Variants in USP32 observed in about 807,000 individuals in gnomAD.
USP32 encodes the protein ubiquitin specific peptidase 32, also known as ubiquitin carboxyl-terminal hydrolase 32.
USP32 carries 59 observed loss-of-function variants against 204.8 expected under a neutral mutation model. That is an observed-to-expected ratio of 0.29 (90% CI 0.23 to 0.36). The LOEUF is 0.36. Among genes scored for constraint, USP32 ranks in the 10% least tolerant of loss-of-function variants. USP32 has a pLI of 1.00. For synonymous variants in USP32, 517 were observed against 678.4 expected, an observed-to-expected ratio of 0.76 and a Z score of 3.70; for missense variants, 1,160 against 1,946.4, an observed-to-expected ratio of 0.60 and a Z score of 7.60.
chr17:60,314,562 T>TG (rs201223651), intron 2 of USP32, among the ~76,000 whole-genome samples: 2 of 144,376 alleles, frequency 1.4e-5, no homozygotes, highest in African/African-American at 2.6e-5. Flanking sequence ...GAACTGGGGG[T>TG]GGGGGGAGGA....
intron 1 of USP32, among the ~76,000 whole-genome samples, chr17:60,402,559 G>A (rs1352515013): frequency 6.6e-6 from 1 of 152,020 alleles, no homozygotes; most frequent in Admixed American, 6.6e-5. Flanking sequence ...TTATTGATCA[G>A]TTATTCTTCT....
intron 2 of USP32, among the ~76,000 whole-genome samples, chr17:60,307,144 G>C (rs1174433024): frequency 6.6e-6 from 1 of 150,702 alleles, no homozygotes; most frequent in Admixed American, 6.6e-5. Context: ...GTGTCACCCA[G>C]GCTGGAGTGC....
intron 27 of USP32, among the ~76,000 whole-genome samples, chr17:60,195,716 G>A (rs73321000): frequency 0.028 from 4,300 of 152,236 alleles, 206 homozygotes; most frequent in African/African-American, 0.097. Flanking sequence ...CAGAGTTCAT[G>A]TATAGATGAT....
At chr17:60,191,999 T>C (rs2084394879) in intron 28 of USP32, among the ~76,000 whole-genome samples, 1 of 151,864 alleles carries the variant, frequency 6.6e-6, no homozygotes, top group African/African-American at 2.4e-5. Context: ...CTGGCAAACT[T>C]ATATTTAACG....
rs535253977 is a variant in USP32 at position 60,212,114 on chromosome 17, G to A, written c.2105-16C>T. 3.8e-6 allele frequency: 6 copies of A among 1,583,030 alleles called. No homozygotes were observed. In the African/African-American group the frequency reaches 6.8e-5, roughly 18 times the overall value. On this transcript the variant is annotated splice_polypyrimidine_tract_variant and intron_variant, in intron 18 of 33. Coordinates refer to ENST00000300896, the MANE Select transcript of USP32 (RefSeq NM_032582.4). ...TTGTTGCGAACTGGAAGGACAGATA[G>A]GAATGTGTTAATTTCTTATCTATCT...
chr17:60,318,329 T>C (rs180709491), intron 2 of USP32, among the ~76,000 whole-genome samples: 7 of 152,334 alleles, frequency 4.6e-5, no homozygotes, highest in Admixed American at 2.6e-4. Context: ...GCTAATACAA[T>C]TTTATGCTGA....
At chr17:60,357,315 T>A (rs1361962369) in intron 1 of USP32, among the ~76,000 whole-genome samples, 1 of 151,784 alleles carries the variant, frequency 6.6e-6, no homozygotes, top group Non-Finnish European at 1.5e-5. Flanking sequence ...TAGGCAGGCA[T>A]GGTGATACAC....
chr17:60,393,687 CTTT>C (rs1218263132), upstream of USP32, among the ~76,000 whole-genome samples: 2 of 141,778 alleles, frequency 1.4e-5, no homozygotes, highest in Non-Finnish European at 3.1e-5. Context: ...CTGTGTTTTT[CTTT>C]TTTTTTTTTT....
chr17:60,301,467 T>C, intron 3 of USP32, 132 bp downstream of exon 3: 2 of 541,636 alleles, frequency 3.7e-6, no homozygotes, highest in Non-Finnish European at 6.4e-6. Context: ...GCACATTTTT[T>C]AGGTGTTTAT....
intron 1 of USP32, among the ~76,000 whole-genome samples, chr17:60,351,467 C>T (rs918131714): frequency 1.3e-5 from 2 of 151,650 alleles, no homozygotes; most frequent in African/African-American, 4.9e-5. Flanking sequence ...TGGAGTCTCA[C>T]TCCGTCCCCC....
At chr17:60,253,916 G>A (rs1268611070) in intron 10 of USP32, among the ~76,000 whole-genome samples, 1 of 152,026 alleles carries the variant, frequency 6.6e-6, no homozygotes, top group African/African-American at 2.4e-5. Context: ...ATTATAACTT[G>A]TAATAAAGCA....
At chr17:60,324,207 A>C (rs1249742621) in intron 2 of USP32, among the ~76,000 whole-genome samples, 2 of 151,962 alleles carry the variant, frequency 1.3e-5, no homozygotes, top group Non-Finnish European at 2.9e-5. Flanking sequence ...GGTTGAACCC[A>C]GGAGTTCGAG....
chr17:60,197,515 AT>A (rs1232377992), intron 27 of USP32, among the ~76,000 whole-genome samples: 1 of 152,130 alleles, frequency 6.6e-6, no homozygotes, highest in Non-Finnish European at 1.5e-5. Flanking sequence ...GAGGCAGGAG[AT>A]TTTTTTGAAC....
chr17:60,346,883 A>G (rs2088799355), intron 1 of USP32, among the ~76,000 whole-genome samples: 1 of 152,246 alleles, frequency 6.6e-6, no homozygotes, highest in Admixed American at 6.5e-5. Flanking sequence ...GTATCTTACT[A>G]CAGCAAAGCA....
chr17:60,321,066 A>G (rs2088101281), intron 2 of USP32, among the ~76,000 whole-genome samples: 1 of 152,184 alleles, frequency 6.6e-6, no homozygotes, highest in African/African-American at 2.4e-5. Flanking sequence ...CTCTCTAACC[A>G]GAGGACTGAA....
chr17:60,216,688 C>A (rs900041955), intron 16 of USP32, among the ~76,000 whole-genome samples: 1 of 151,976 alleles, frequency 6.6e-6, no homozygotes, highest in African/African-American at 2.4e-5. Flanking sequence ...GGTTTGAATA[C>A]TTGTCACTTC....
At chr17:60,326,637 T>TAGC (rs1213977323) in intron 2 of USP32, among the ~76,000 whole-genome samples, 7 of 152,212 alleles carry the variant, frequency 4.6e-5, no homozygotes, top group African/African-American at 1.7e-4. Flanking sequence ...TTAATACTTA[T>TAGC]AGCAGCAGCA....
At chr17:60,252,498 C>T (rs1038497341) in intron 10 of USP32, 56 bp from the exon 11 acceptor site, 1 of 1,291,862 alleles carries the variant, frequency 7.7e-7, no homozygotes. Context: ...TTCACATTAT[C>T]TGCATGAGAC....
chr17:60,275,179 G>A (rs1034887092), intron 5 of USP32, among the ~76,000 whole-genome samples: 3 of 152,100 alleles, frequency 2.0e-5, no homozygotes, highest in South Asian at 2.1e-4. Flanking sequence ...AGTATTGGCC[G>A]GGCGCGGTGG....
Sources: gnomAD v4.1 joint callset for allele counts (sites outside exome capture counted in the v4.1 genomes callset) on GRCh38, gnomAD v4.1.1 for gene constraint, MANE v1.5 for transcripts, NCBI Gene and HGNC (gene_info 2026-07-23, HGNC 2026-07-21) for gene names.